Variants in RPS6KA5 observed in about 807,000 individuals in gnomAD.
RPS6KA5 encodes the protein ribosomal protein S6 kinase A5.
A neutral mutation model predicts 85.5 loss-of-function variants in RPS6KA5; 27 were observed. That is an observed-to-expected ratio of 0.32 (90% CI 0.23 to 0.44). The LOEUF (loss-of-function observed/expected upper bound fraction) is 0.44, where lower values mean the gene tolerates loss of function less well. Ranked by LOEUF, RPS6KA5 falls within the 20% of genes least tolerant of loss-of-function variation. The pLI is 1.00. For missense variants in RPS6KA5, 811 were observed against 980.9 expected (o/e 0.83, Z 2.31); for synonymous variants, 334 against 348.2 (o/e 0.96, Z 0.46).
chr14:91,037,908 T>C (rs566023445), intron 1 of RPS6KA5, among the ~76,000 whole-genome samples: 1 of 152,340 alleles, frequency 6.6e-6, no homozygotes, highest in African/African-American at 2.4e-5. Flanking sequence ...ATTAGCCAGG[T>C]CCTGGGATTA....
intron 12 of RPS6KA5, among the ~76,000 whole-genome samples, chr14:90,898,173 C>A (rs2034946724): frequency 6.6e-6 from 1 of 152,162 alleles, no homozygotes; most frequent in South Asian, 2.1e-4. Flanking sequence ...ATTCAGATCC[C>A]AGCCTTACCA....
At chr14:91,019,680 C>T (rs4904741) in intron 1 of RPS6KA5, among the ~76,000 whole-genome samples, 74,135 of 152,010 alleles carry the variant, frequency 0.49, 18,347 homozygotes, top group East Asian at 0.55. Flanking sequence ...AATACACATA[C>T]AGTAGAAACG....
Position 90,872,336 on chromosome 14 carries a change from A to T in RPS6KA5, c.2161-14T>A. On this transcript the variant is annotated splice_polypyrimidine_tract_variant and intron_variant, in intron 16 of 16. Transcript: ENST00000614987. Reference sequence around the variant, plus strand: ...TTTGTTAAAGGCCTGGCGGGGGAAAAAAAGGGAACCCCTGTGAAGGTAAAA... The same window carrying T: ...TTTGTTAAAGGCCTGGCGGGGGAAATAAAGGGAACCCCTGTGAAGGTAAAA... 2 of 1,597,508 alleles carry T rather than the reference A, an allele frequency of 1.3e-6. No homozygotes were observed. Among genetic ancestry groups the T allele is most frequent in the South Asian group, 2.3e-5 (2 of 88,618 alleles).
At chr14:91,045,431 T>C (rs1357166568) in intron 1 of RPS6KA5, among the ~76,000 whole-genome samples, 1 of 152,050 alleles carries the variant, frequency 6.6e-6, no homozygotes, top group South Asian at 2.1e-4. Context: ...GCCTGGCTAA[T>C]TTTTGTATTT....
rs77611457 is a variant in RPS6KA5 at position 91,048,115 on chromosome 14, G to T, written c.103+12217C>A. 5.9e-3 allele frequency among the ~76,000 whole-genome samples: 902 copies of T among 152,222 alleles called. 4 individuals are homozygous for T. Among genetic ancestry groups the T allele is most frequent in the Admixed American group, 0.014 (209 of 15,288 alleles). On this transcript the variant is annotated intron_variant, in intron 1 of 16. Coordinates refer to ENST00000614987, the MANE Select transcript of RPS6KA5 (RefSeq NM_004755.4). The stretch of plus-strand genomic sequence containing the variant: ...AGGATGTGGGTATCTTGGGGGAGTG[G>T]TCATTATTCAGCCTACCACACAAGC...
At position 90,859,602 on chromosome 14, in the gene RPS6KA5, A is replaced by C. The variant is rs780192598; in HGVS notation, c.*12472T>G. 2 of 152,228 alleles carry C rather than the reference A, an allele frequency of 1.3e-5. No homozygotes were observed. Among genetic ancestry groups the C allele is most frequent in the African/African-American group, 2.4e-5 (1 of 41,446 alleles). The allele number at this position is 152,228 out of a possible 1,614,324, so 9.4% of individuals were successfully genotyped here. On this transcript the variant is annotated 3_prime_UTR_variant, in exon 17 of 17. Transcript: ENST00000614987. ...CTCAGCAGAACAGGATAAGTTAATT[A>C]GGTCAGTAAAAACTATACAGATTGA...
Position 90,972,266 on chromosome 14 carries a change from T to C in RPS6KA5, c.394+6040A>G, listed in dbSNP as rs545978095. Among the ~76,000 whole-genome samples, 4 of 152,256 alleles carry C rather than the reference T, an allele frequency of 2.6e-5. No individual in the cohort carries two copies. The East Asian group carries it at 7.7e-4, about 29-fold the overall frequency. ...CCAGACAATGTGATTCTAAAGTTCATGCTGAAAAATAAACCAACAGGAAGA... is the reference window on the plus strand; with the variant it reads ...CCAGACAATGTGATTCTAAAGTTCACGCTGAAAAATAAACCAACAGGAAGA... On this transcript the variant is annotated intron_variant, in intron 3 of 16. Coordinates refer to ENST00000614987, the MANE Select transcript of RPS6KA5 (RefSeq NM_004755.4).
chr14:91,059,770 TG>T (rs1456494285), intron 1 of RPS6KA5, among the ~76,000 whole-genome samples: 1 of 152,218 alleles, frequency 6.6e-6, no homozygotes, highest in Non-Finnish European at 1.5e-5. Flanking sequence ...ACTCAATCCC[TG>T]GAGCCGGCGA....
chr14:90,925,068 T>C (rs1392795345), intron 5 of RPS6KA5, among the ~76,000 whole-genome samples: 1 of 152,156 alleles, frequency 6.6e-6, no homozygotes, highest in East Asian at 1.9e-4. Flanking sequence ...AAGGATTACA[T>C]ATTCCACTGG....
At chr14:90,901,128 T>C (rs1178522656) in intron 9 of RPS6KA5, among the ~76,000 whole-genome samples, 1 of 152,172 alleles carries the variant, frequency 6.6e-6, no homozygotes, top group African/African-American at 2.4e-5. Context: ...TTTTTGAGAT[T>C]GAGTCTGGCT....
At position 90,908,070 on chromosome 14, in the gene RPS6KA5, T is replaced by G. The variant is rs115530312; in HGVS notation, c.807-1771A>C. Among the ~76,000 whole-genome samples the G allele has an allele frequency of 3.2e-3, 484 of 152,346 alleles. 1 individual carries two copies. Among genetic ancestry groups the G allele is most frequent in the Middle Eastern group, 0.02 (6 of 294 alleles). On this transcript the variant is annotated intron_variant, in intron 7 of 16. Transcript: ENST00000614987. The stretch of plus-strand genomic sequence containing the variant: ...TATTACTTCTTAAACCTTAAGAACA[T>G]TTCAACTTGTATTGGAAATCTACTC...
At chr14:90,873,922 A>G (rs1363333946) in intron 15 of RPS6KA5, 127 bp from the exon 16 acceptor site, 2 of 672,560 alleles carry the variant, frequency 3.0e-6, no homozygotes, top group Non-Finnish European at 4.8e-6. Flanking sequence ...ACCTCCTACA[A>G]AGATAATTAG....
intron 1 of RPS6KA5, chr14:91,052,346 T>C (rs1009208292): frequency 2.6e-6 from 1 of 379,298 alleles, no homozygotes; most frequent in African/African-American, 2.6e-5. Context: ...TGGGTGCCTG[T>C]AATCCCAGCC....
chr14:90,857,115 T>C lies in RPS6KA5; in HGVS notation c.*14959A>G, dbSNP rs1397082192. ...TGCCTTTTGATCACATGAACATGGA[T>C]CATAATCAGAAGTACAAACTGTTAT... is the stretch of plus-strand genomic sequence containing the variant. On this transcript the variant is annotated 3_prime_UTR_variant, in exon 17 of 17. Transcript: ENST00000614987. 1 of 152,164 alleles carries C rather than the reference T, an allele frequency of 6.6e-6. No individual in the cohort carries two copies. Among genetic ancestry groups the C allele is most frequent in the Non-Finnish European group, 1.5e-5 (1 of 68,040 alleles). The allele number at this position is 152,164 out of a possible 1,614,324, so 9.4% of individuals were successfully genotyped here.
chr14:90,900,620 T>G lies in RPS6KA5; in HGVS notation c.1236A>C (p.Ala412=). The G allele has an allele frequency of 6.2e-7, 1 of 1,613,666 alleles. No individual in the cohort carries two copies. Among genetic ancestry groups the G allele is most frequent in the Non-Finnish European group, 8.5e-7 (1 of 1,179,828 alleles). The stretch of plus-strand genomic sequence containing the variant: ...TACCACATCTATATACCTTCATCAT[T>G]GCACTCCTGGCAACATTTGTCACTC... ...RPGVTNVARS[A]MMKDSPFYQH... The change falls in exon 10 of 17, where the codon GCA becomes GCC. Residue 412 remains alanine (A), a synonymous_variant. Coordinates refer to ENST00000614987, the MANE Select transcript of RPS6KA5 (RefSeq NM_004755.4).
At chr14:90,931,089 A>G (rs564003068) in intron 5 of RPS6KA5, among the ~76,000 whole-genome samples, 1 of 152,328 alleles carries the variant, frequency 6.6e-6, no homozygotes, top group African/African-American at 2.4e-5. Flanking sequence ...TATTTGCACA[A>G]CCACGTTCAC....
At chr14:90,908,643 A>C (rs960707911) in intron 7 of RPS6KA5, among the ~76,000 whole-genome samples, 2 of 152,206 alleles carry the variant, frequency 1.3e-5, no homozygotes, top group African/African-American at 4.8e-5. Context: ...GGTGAGGAGA[A>C]AGGGCCTATA....
Position 90,860,019 on chromosome 14 carries a change from T to C in RPS6KA5, c.*12055A>G, listed in dbSNP as rs982788154. 6.6e-6 allele frequency: 1 copy of C among 152,104 alleles called. No individual in the cohort carries two copies. Among genetic ancestry groups the C allele is most frequent in the African/African-American group, 2.4e-5 (1 of 41,384 alleles). 9.4% of individuals were successfully genotyped at this position (152,104 alleles called of 1,614,324 possible). On this transcript the variant is annotated 3_prime_UTR_variant, in exon 17 of 17. Coordinates refer to ENST00000614987, the MANE Select transcript of RPS6KA5 (RefSeq NM_004755.4). ...GAGAAATACCTAATTTGGTGACAGG[T>C]TGATGGGTGCAGCAAACCACCAGGG...
chr14:90,999,697 T>C (rs1653062564), intron 2 of RPS6KA5, among the ~76,000 whole-genome samples: 1 of 152,070 alleles, frequency 6.6e-6, no homozygotes. Context: ...AAAATGAAAA[T>C]GCGGGTGCCT....
Sources: allele counts gnomAD v4.1 joint callset (sites outside exome capture counted in the v4.1 genomes callset), GRCh38; gene constraint gnomAD v4.1.1; transcripts MANE v1.5; gene names NCBI Gene and HGNC (gene_info 2026-07-23, HGNC 2026-07-21).